Variants in FGD5 observed in about 807,000 individuals in gnomAD.
FGD5 encodes the protein FYVE, RhoGEF and PH domain containing 5.
FGD5 carries 28 observed loss-of-function variants against 133.4 expected under a neutral mutation model. The ratio of observed to expected loss-of-function variants is 0.21; its 90% CI spans 0.16 to 0.29. FGD5 has a LOEUF of 0.29. Ranked by LOEUF, FGD5 falls within the 10% of genes least tolerant of loss-of-function variation. The pLI, the probability that FGD5 is intolerant of heterozygous loss-of-function variation, is 1.00. For synonymous variants in FGD5, 810 were observed against 776.5 expected (o/e 1.04, Z -0.72); for missense variants, 1,858 against 1,895.2 (o/e 0.98, Z 0.36).
intron 17 of FGD5, among the ~76,000 whole-genome samples, chr3:14,924,470 T>C (rs1242165463): frequency 6.6e-6 from 1 of 152,178 alleles, no homozygotes. Flanking sequence ...GTGTTGGTCC[T>C]TCCATGTCAT....
At chr3:14,822,130 A>G (rs904193722) in intron 1 of FGD5, among the ~76,000 whole-genome samples, 1 of 152,172 alleles carries the variant, frequency 6.6e-6, no homozygotes, top group Admixed American at 6.5e-5. Context: ...AAGAAAAAGA[A>G]AAAAGAAAAT....
intron 10 of FGD5, among the ~76,000 whole-genome samples, chr3:14,908,487 A>G (rs1348602303): frequency 6.6e-6 from 1 of 152,202 alleles, no homozygotes; most frequent in Non-Finnish European, 1.5e-5. Context: ...AGTCTTGAGC[A>G]CCATGATCCC....
chr3:14,923,461 A>G (rs78070552), intron 16 of FGD5: 4,948 of 427,980 alleles, frequency 0.012, 208 homozygotes, highest in African/African-American at 0.086. Flanking sequence ...CCTTTACCAT[A>G]GAGGCCCTCT....
chr3:14,876,056 C>T (rs920008690), intron 2 of FGD5, among the ~76,000 whole-genome samples: 5 of 152,130 alleles, frequency 3.3e-5, no homozygotes, highest in Non-Finnish European at 7.4e-5. Context: ...GAGGCCTGTA[C>T]GCAGAGAGGG....
In FGD5 at chr3:14,922,059, A is replaced by T. The variant is rs1276175714; in HGVS notation, c.3669+42A>T. 2 of 1,543,812 alleles carry T rather than the reference A, an allele frequency of 1.3e-6. No homozygotes were observed. The highest frequency in any genetic ancestry group is 3.9e-5 in the Admixed American group (2 of 51,008). On this transcript the variant is annotated intron_variant, in intron 14 of 19. Coordinates refer to ENST00000285046, the MANE Select transcript of FGD5 (RefSeq NM_152536.4). The surrounding 1 kb of genome is among the most constrained non-coding windows in gnomAD (Gnocchi z 4.1). ...GGCCCACGGGCCACCAGCTTCAGAG[A>T]CCTGGGGTTCCCTGGGCGGGCATTG...
chr3:14,913,900 C>T (rs910859841), intron 11 of FGD5, among the ~76,000 whole-genome samples: 1 of 152,136 alleles, frequency 6.6e-6, no homozygotes, highest in Non-Finnish European at 1.5e-5. Context: ...CCCGTTTCCC[C>T]TCTCCCTCCT....
chr3:14,893,426 A>T (rs1189311539), intron 4 of FGD5, among the ~76,000 whole-genome samples: 3 of 152,176 alleles, frequency 2.0e-5, no homozygotes, highest in Admixed American at 2.0e-4. Context: ...ACCATAGCTC[A>T]CTGCAGCCTG....
intron 1 of FGD5, among the ~76,000 whole-genome samples, chr3:14,845,165 T>C (rs2037025965): frequency 6.6e-6 from 1 of 152,168 alleles, no homozygotes; most frequent in Admixed American, 6.5e-5. Context: ...CCCTGATGCC[T>C]TCACTCCACT....
intron 4 of FGD5, among the ~76,000 whole-genome samples, chr3:14,892,939 C>T (rs1027465220): frequency 6.6e-6 from 1 of 152,190 alleles, no homozygotes; most frequent in Non-Finnish European, 1.5e-5. Flanking sequence ...AATCATCTTT[C>T]CTGAGTGTTG....
At chr3:14,847,083 C>T (rs948849889) in intron 1 of FGD5, among the ~76,000 whole-genome samples, 1 of 152,170 alleles carries the variant, frequency 6.6e-6, no homozygotes, top group Admixed American at 6.5e-5. Flanking sequence ...TTGGCCAGGA[C>T]TTGGCACACA....
chr3:14,931,089 G>A (rs1188338791), intron 18 of FGD5: 4 of 152,134 alleles, frequency 2.6e-5, no homozygotes, highest in African/African-American at 9.7e-5. Flanking sequence ...TTGAACTGAT[G>A]AGAGTGAACA....
In FGD5 at chr3:14,820,566, G is replaced by A. The variant is rs1217003348; in HGVS notation, c.1495G>A (p.Glu499Lys). ...VAGYVPETVP[E>K]ETGPEAGSSA... ...CGGCTATGTCCCAGAAACCGTCCCT[G>A]AAGAAACCGGACCTGAGGCGGGCTC... Residue 499 changes from glutamate (E) to lysine (K), a missense_variant, in exon 1 of 20, where the codon GAA becomes AAA. This residue lies in a region of FGD5 where 1,824 missense variants were observed against 1,848.9 expected (regional missense o/e 0.99). Transcript: ENST00000285046. 2 of 1,611,910 alleles carry A rather than the reference G, an allele frequency of 1.2e-6. No individual in the cohort carries two copies. The highest frequency in any genetic ancestry group is 1.7e-6 in the Non-Finnish European group (2 of 1,178,786).
intron 1 of FGD5, among the ~76,000 whole-genome samples, chr3:14,855,725 G>T (rs896656633): frequency 6.6e-6 from 1 of 151,690 alleles, no homozygotes; most frequent in Non-Finnish European, 1.5e-5. Context: ...GTGTGTGTGT[G>T]TATGTTTTTT....
intron 13 of FGD5, among the ~76,000 whole-genome samples, chr3:14,921,648 C>G (rs928411639): frequency 3.3e-5 from 5 of 152,214 alleles, no homozygotes; most frequent in Non-Finnish European, 5.9e-5. Flanking sequence ...GTTCCACGTC[C>G]CACATCTCCC....
intron 2 of FGD5, among the ~76,000 whole-genome samples, chr3:14,877,893 T>G (rs1352790259): frequency 6.6e-6 from 1 of 152,182 alleles, no homozygotes; most frequent in African/African-American, 2.4e-5. Flanking sequence ...TGTCATCCAG[T>G]GGGTAGAAGC....
upstream of FGD5, chr3:14,818,840 T>A (rs1179127736): frequency 5.5e-5 from 65 of 1,176,918 alleles, no homozygotes; most frequent in Non-Finnish European, 7.1e-5. Flanking sequence ...GGAGGTGGGC[T>A]TCACATGGAT....
At chr3:14,884,922 C>T (rs1234566273) in intron 4 of FGD5, among the ~76,000 whole-genome samples, 2 of 152,058 alleles carry the variant, frequency 1.3e-5, no homozygotes, top group Non-Finnish European at 2.9e-5. Flanking sequence ...CATTCACTCC[C>T]TGGCGCCGAG....
At chr3:14,908,480 C>G (rs964727009) in intron 10 of FGD5, among the ~76,000 whole-genome samples, 1 of 151,868 alleles carries the variant, frequency 6.6e-6, no homozygotes, top group African/African-American at 2.4e-5. Flanking sequence ...AAGACACAGT[C>G]TTGAGCACCA....
intron 9 of FGD5, among the ~76,000 whole-genome samples, chr3:14,902,390 T>A (rs2038256486): frequency 6.6e-6 from 1 of 151,792 alleles, no homozygotes. Context: ...GGGGCTGGCC[T>A]GGGCAAAGAC....
Sources: gnomAD v4.1 joint callset for allele counts (sites outside exome capture counted in the v4.1 genomes callset) on GRCh38, gnomAD v4.1.1 for gene constraint, gnomAD v4.1.1 regional missense constraint, Gnocchi (gnomAD v3.1) non-coding constraint, MANE v1.5 for transcripts, NCBI Gene and HGNC (gene_info 2026-07-23, HGNC 2026-07-21) for gene names.